Variants in KRT86 observed in about 807,000 individuals in gnomAD.
KRT86 encodes keratin, type II cuticular Hb6.
In KRT86, 30 loss-of-function variants were observed where a neutral mutation model predicts 41.2. The observed-to-expected ratio is 0.73, with a 90% confidence interval of 0.54 to 0.99. The LOEUF (loss-of-function observed/expected upper bound fraction) is 0.99. KRT86 is among the 50% of genes least tolerant of loss of function. The pLI, the probability that KRT86 is intolerant of heterozygous loss-of-function variation, is 0.00. For synonymous variants in KRT86, 238 were observed against 238.1 expected (o/e 1.00, Z 0.00); for missense variants, 561 against 571.4 (o/e 0.98, Z 0.19).
At chr12:52,280,773 C>A (rs1439678392) in intron 2 of KRT86, among the ~76,000 whole-genome samples, 1 of 152,216 alleles carries the variant, frequency 6.6e-6, no homozygotes, top group Non-Finnish European at 1.5e-5. Context: ...ATTCTTTAGT[C>A]CAGCTCTGTG....
intron 8 of KRT86, 116 bp from the exon 9 acceptor site, chr12:52,305,944 G>C: frequency 6.4e-7 from 1 of 1,566,474 alleles, no homozygotes; most frequent in Non-Finnish European, 8.7e-7. Flanking sequence ...AGGTGATGAA[G>C]GCAAGAGGCT....
intron 9 of KRT86, 110 bp downstream of exon 9, chr12:52,306,390 C>G (rs1382406106): frequency 6.5e-7 from 1 of 1,533,018 alleles, no homozygotes; most frequent in Non-Finnish European, 8.9e-7. Flanking sequence ...CCCCACCCTG[C>G]AACCAGACAG....
intron 2 of KRT86, among the ~76,000 whole-genome samples, chr12:52,292,992 A>G (rs1458212466): frequency 6.6e-6 from 1 of 152,176 alleles, no homozygotes; most frequent in Non-Finnish European, 1.5e-5. Flanking sequence ...CGTCTCTACT[A>G]CAAATACAAA....
At chr12:52,291,601 G>A (rs1341975221) in intron 2 of KRT86, 2 of 1,393,604 alleles carry the variant, frequency 1.4e-6, no homozygotes, top group Non-Finnish European at 1.9e-6. Context: ...TGAAGATGAT[G>A]TTGGGGCAAT....
intron 1 of KRT86, chr12:52,274,955 G>A (rs899755084): frequency 6.5e-6 from 1 of 153,176 alleles, no homozygotes; most frequent in African/African-American, 2.4e-5. Flanking sequence ...GGTTGAGGGG[G>A]TGTGTATAAC....
chr12:52,282,180 T>A (rs1415037815), intron 2 of KRT86, among the ~76,000 whole-genome samples: 1 of 152,136 alleles, frequency 6.6e-6, no homozygotes, highest in African/African-American at 2.4e-5. Context: ...TATGTAAGTG[T>A]AACTATTATT....
intron 2 of KRT86, among the ~76,000 whole-genome samples, chr12:52,294,173 T>C (rs928017160): frequency 6.6e-6 from 1 of 152,188 alleles, no homozygotes; most frequent in Admixed American, 6.5e-5. Context: ...CTGCTCACAA[T>C]TGAGCAGTGA....
At chr12:52,286,600 A>T (rs1452670647) in intron 2 of KRT86, 3 of 1,303,720 alleles carry the variant, frequency 2.3e-6, no homozygotes, top group Non-Finnish European at 3.3e-6. Flanking sequence ...AGTCAGAAGC[A>T]TCTTTGTGGA....
intron 2 of KRT86, chr12:52,286,854 T>C (rs1159063217): frequency 6.2e-7 from 1 of 1,612,814 alleles, no homozygotes; most frequent in Non-Finnish European, 8.5e-7. Context: ...GCAACATTAG[T>C]GACTGCCCCA....
chr12:52,291,365 C>T, intron 2 of KRT86: 2 of 1,599,556 alleles, frequency 1.3e-6, no homozygotes, highest in Middle Eastern at 1.8e-4. Flanking sequence ...GCAGGAGATG[C>T]CACGGTAGGG....
chr12:52,300,215 C>T (rs1938341167), intron 2 of KRT86, among the ~76,000 whole-genome samples: 1 of 152,150 alleles, frequency 6.6e-6, no homozygotes, highest in South Asian at 2.1e-4. Context: ...TATACATAGG[C>T]CATACAACTG....
intron 2 of KRT86, chr12:52,278,838 C>G: frequency 6.6e-6 from 1 of 152,006 alleles, no homozygotes; most frequent in Admixed American, 6.6e-5. Flanking sequence ...CCCTCTGTGC[C>G]TCTCCTTTTG....
At chr12:52,301,487 G>A (rs1938374156) in intron 2 of KRT86, among the ~76,000 whole-genome samples, 1 of 152,030 alleles carries the variant, frequency 6.6e-6, no homozygotes, top group African/African-American at 2.4e-5. Context: ...CGCGGACAGC[G>A]GCATTGACCA....
chr12:52,280,235 T>C (rs117510393), intron 2 of KRT86, among the ~76,000 whole-genome samples: 4 of 152,284 alleles, frequency 2.6e-5, no homozygotes, highest in Non-Finnish European at 5.9e-5. Context: ...CAGCTCTGTC[T>C]CTACTTCAGA....
chr12:52,274,777 TCACCCAG>T, intron 1 of KRT86, 55 bp downstream of exon 1: 1 of 976,836 alleles, frequency 1.0e-6, no homozygotes, highest in South Asian at 4.7e-5. Context: ...GTCTTGGACT[TCACCCAG>T]ATCTGTTGGG....
In KRT86 at chr12:52,305,220, A is replaced by G. The variant is rs1938477402; in HGVS notation, c.736-20A>G. The G allele has an allele frequency of 6.2e-7, 1 of 1,614,078 alleles. No homozygotes were observed. Among genetic ancestry groups the G allele is most frequent in the African/African-American group, 1.3e-5 (1 of 74,934 alleles). On this transcript the variant is annotated intron_variant, in intron 6 of 10. Transcript: ENST00000423955. ...TGGGGCTGTGTTCTCAACTAAAGTC[A>G]CTGCCCTCACCTCCTGCAGGAGATC...
chr12:52,305,984 G>T (rs1938505631), intron 8 of KRT86, 76 bp from the exon 9 acceptor site: 1 of 1,591,612 alleles, frequency 6.3e-7, no homozygotes, highest in Admixed American at 1.8e-5. Context: ...GCTTGGTGGG[G>T]AGCATGGTCT....
At chr12:52,306,387 C>T (rs1938519992) in intron 9 of KRT86, 107 bp downstream of exon 9, 2 of 1,548,786 alleles carry the variant, frequency 1.3e-6, no homozygotes, top group Non-Finnish European at 1.8e-6. Flanking sequence ...CCTCCCCACC[C>T]TGCAACCAGA....
intron 2 of KRT86, 90 bp from the exon 3 acceptor site, chr12:52,301,823 A>G (rs1938384292): frequency 5.0e-6 from 8 of 1,612,596 alleles, no homozygotes; most frequent in Middle Eastern, 1.6e-4. Context: ...AGGCCTACAG[A>G]GGTGCAAGTA....
Sources: allele counts gnomAD v4.1 joint callset (sites outside exome capture counted in the v4.1 genomes callset), GRCh38; gene constraint gnomAD v4.1.1; transcripts MANE v1.5; gene names NCBI Gene and HGNC (gene_info 2026-07-23, HGNC 2026-07-21).